OTOF: variants seen among roughly 807,000 people sequenced by gnomAD.
OTOF encodes the protein otoferlin.
Under a neutral mutation model 236.8 loss-of-function variants are expected in OTOF, and 218 were observed. The ratio of observed to expected loss-of-function variants is 0.92; its 90% CI spans 0.82 to 1.03. OTOF has a LOEUF of 1.03. OTOF is among the 50% of genes least tolerant of loss of function. The pLI is 0.00. For synonymous variants in OTOF, 1,041 were observed against 1,072.5 expected (o/e 0.97, Z 0.57); for missense variants, 2,590 against 2,694.4 (o/e 0.96, Z 0.86).
At chr2:26,469,326 C>T (rs1163665925) in intron 32 of OTOF, among the ~76,000 whole-genome samples, 2 of 152,228 alleles carry the variant, frequency 1.3e-5, no homozygotes, top group African/African-American at 4.8e-5. Context: ...GTAGAGACGA[C>T]AACAGGCAGC....
chr2:26,532,440 G>A (rs1230052541), intron 2 of OTOF, among the ~76,000 whole-genome samples: 4 of 152,172 alleles, frequency 2.6e-5, no homozygotes, highest in African/African-American at 7.2e-5. Flanking sequence ...AAGATGTCAC[G>A]AGCCAGCAAG....
At position 26,519,225 on chromosome 2, in the gene OTOF, T is replaced by A. The variant is rs144477593; in HGVS notation, c.228-116A>T. The A allele has an allele frequency of 8.3e-4, 616 of 739,624 alleles. 3 individuals are homozygous for A. The African/African-American group carries it at 9.1e-3, about 11-fold the overall frequency. The allele number at this position is 739,624 out of a possible 1,614,324, so 45.8% of individuals were successfully genotyped here. On this transcript the variant is annotated intron_variant, in intron 3 of 46. Transcript: ENST00000272371. ...AGGACTCAGGTGGGCTTGCTCCAGC[T>A]CTGGGCTGGGCTGGAGAAGGTGGCC...
chr2:26,463,348 G>A, intron 41 of OTOF, 135 bp downstream of exon 41: 1 of 758,270 alleles, frequency 1.3e-6, no homozygotes, highest in East Asian at 2.7e-5. Context: ...AGGCCCAGTG[G>A]CCACACCCAG....
chr2:26,461,766 C>G lies in OTOF; in HGVS notation c.5463G>C (p.Glu1821Asp). ...KESMFSWDET[E>D]YKIPARLTLQ... Reference sequence around the variant, plus strand: ...GGGTGAGCCGCGCGGGGATCTTGTACTCGGTCTCGTCCCAGGAGAACATGG... The same window carrying G: ...GGGTGAGCCGCGCGGGGATCTTGTAGTCGGTCTCGTCCCAGGAGAACATGG... Residue 1821 changes from glutamate to aspartate, a missense_variant, in exon 43 of 47, where the codon GAG (glutamate) becomes GAC (aspartate). Glu to Asp is a conservative substitution (Grantham distance 45). Around this residue, in one of 2 missense-constraint regions of OTOF, gnomAD observed 1,211 missense variants for 1,352.8 expected, o/e 0.90. Transcript: ENST00000272371. The surrounding 1 kb of genome is among the most constrained non-coding windows in gnomAD (Gnocchi z 6.2). 6.2e-7 allele frequency: 1 copy of G among 1,614,184 alleles called. No homozygotes were observed. The highest frequency in any genetic ancestry group is 8.5e-7 in the Non-Finnish European group (1 of 1,180,038).
intron 3 of OTOF, among the ~76,000 whole-genome samples, chr2:26,521,208 TCTA>T (rs1666668300): frequency 6.6e-6 from 1 of 152,218 alleles, no homozygotes; most frequent in African/African-American, 2.4e-5. Flanking sequence ...GAATCCCTGC[TCTA>T]CTATTACCCT....
At chr2:26,494,197 C>T (rs1377337527) in intron 9 of OTOF, among the ~76,000 whole-genome samples, 2 of 152,226 alleles carry the variant, frequency 1.3e-5, no homozygotes, top group Non-Finnish European at 2.9e-5. Flanking sequence ...GCCTCAGTAT[C>T]CTCCTCTGTA....
At chr2:26,508,608 T>C (rs1227481550) in intron 5 of OTOF, among the ~76,000 whole-genome samples, 1 of 152,240 alleles carries the variant, frequency 6.6e-6, no homozygotes, top group Non-Finnish European at 1.5e-5. Context: ...GCAAGCAGCA[T>C]CATGGAAGAT....
intron 11 of OTOF, among the ~76,000 whole-genome samples, chr2:26,488,005 G>A (rs1160071245): frequency 6.6e-6 from 1 of 152,200 alleles, no homozygotes; most frequent in Non-Finnish European, 1.5e-5. Flanking sequence ...TCTTCACAGA[G>A]GCTGGACTAG....
intron 40 of OTOF, 56 bp downstream of exon 40, chr2:26,463,908 G>T: frequency 6.2e-7 from 1 of 1,608,538 alleles, no homozygotes; most frequent in Non-Finnish European, 8.5e-7. Context: ...GACTCAGGTT[G>T]GGGATCCCTG....
At position 26,458,202 on chromosome 2, in the gene OTOF, G is replaced by A. The variant is rs548065731; in HGVS notation, c.*36C>T. ...ACTTGAGAGGGTTGAGGAACCAGAC[G>A]AAGGCCGTGTCGGGCCGGCTGGGAA... On this transcript the variant is annotated 3_prime_UTR_variant, in exon 47 of 47. Coordinates refer to ENST00000272371, the MANE Select transcript of OTOF (RefSeq NM_194248.3). 8.7e-6 allele frequency: 14 copies of A among 1,602,370 alleles called. No individual in the cohort carries two copies. Among genetic ancestry groups the A allele is most frequent in the Middle Eastern group, 1.7e-4 (1 of 6,054 alleles).
At position 26,477,380 on chromosome 2, in the gene OTOF, C is replaced by G; in HGVS notation, c.2406+36G>C. On this transcript the variant is annotated intron_variant, in intron 20 of 46. Coordinates refer to ENST00000272371, the MANE Select transcript of OTOF (RefSeq NM_194248.3). This position sits in a 1 kb window ranked among gnomAD's most constrained non-coding sequence, Gnocchi z 4.7. ...TGTGACACCTTCTCACAACCAGGCC[C>G]TCCCTCCAGCCCCCGCCGTCCAGTT... The G allele has an allele frequency of 6.4e-7, 1 of 1,567,812 alleles. No homozygotes were observed. The highest frequency in any genetic ancestry group is 8.7e-7 in the Non-Finnish European group (1 of 1,154,866).
intron 11 of OTOF, among the ~76,000 whole-genome samples, chr2:26,486,032 A>G (rs926703122): frequency 6.6e-6 from 1 of 152,192 alleles, no homozygotes; most frequent in African/African-American, 2.4e-5. Context: ...GGGTGCATAA[A>G]TGGGCAGAGG....
At chr2:26,544,505 T>C (rs568934210) in intron 1 of OTOF, among the ~76,000 whole-genome samples, 3 of 152,356 alleles carry the variant, frequency 2.0e-5, no homozygotes, top group South Asian at 4.1e-4. Context: ...TTGTTGCATA[T>C]ATAAGTAATG....
chr2:26,466,628 C>T lies in OTOF; in HGVS notation c.4500+86G>A. ...CTGGGATTACAGGCGTAAACCATTGCACCTGGCCAGTATGCAGCTTCTTTG... is the reference window on the plus strand; with the variant it reads ...CTGGGATTACAGGCGTAAACCATTGTACCTGGCCAGTATGCAGCTTCTTTG... On this transcript the variant is annotated intron_variant, in intron 36 of 46. Coordinates refer to ENST00000272371, the MANE Select transcript of OTOF (RefSeq NM_194248.3). 2.0e-6 allele frequency: 3 copies of T among 1,515,066 alleles called. No individual in the cohort carries two copies. The South Asian group carries it at 3.4e-5, about 17-fold the overall frequency. 93.9% of individuals were successfully genotyped at this position (1,515,066 alleles called of 1,614,324 possible).
rs1333324102 is a variant in OTOF at position 26,457,693 on chromosome 2, T to G, written c.*545A>C. 6 of 298,928 alleles carry G rather than the reference T, an allele frequency of 2.0e-5. No homozygotes were observed. Among genetic ancestry groups the G allele is most frequent in the African/African-American group, 6.4e-5 (3 of 46,636 alleles). The allele number at this position is 298,928 out of a possible 1,614,324, so 18.5% of individuals were successfully genotyped here. On this transcript the variant is annotated 3_prime_UTR_variant, in exon 47 of 47. Coordinates refer to ENST00000272371, the MANE Select transcript of OTOF (RefSeq NM_194248.3). This position sits in a 1 kb window ranked among gnomAD's most constrained non-coding sequence, Gnocchi z 4.4. ...TTGGTTAATTTCACTAAAGCTTCAA[T>G]CCTGTACTTGGAAGACCTGGGGAGG...
chr2:26,483,842 G>A (rs1207727072), intron 12 of OTOF, among the ~76,000 whole-genome samples, 194 bp from the exon 13 acceptor site: 1 of 152,234 alleles, frequency 6.6e-6, no homozygotes, highest in African/African-American at 2.4e-5. Flanking sequence ...TCACTGAGCT[G>A]CCGTTTCCTC....
chr2:26,496,452 C>G (rs1163027717), intron 8 of OTOF, among the ~76,000 whole-genome samples: 2 of 151,950 alleles, frequency 1.3e-5, no homozygotes, highest in Non-Finnish European at 2.9e-5. Context: ...GTTGGCCAGG[C>G]TGGTCTTGAA....
chr2:26,503,763 C>T lies in OTOF; in HGVS notation c.583+9G>A. 6.2e-7 allele frequency: 1 copy of T among 1,612,602 alleles called. No homozygotes were observed. Among genetic ancestry groups the T allele is most frequent in the Non-Finnish European group, 8.5e-7 (1 of 1,178,642 alleles). On this transcript the variant is annotated intron_variant, in intron 6 of 46. Coordinates refer to ENST00000272371, the MANE Select transcript of OTOF (RefSeq NM_194248.3). ...CGGGGCTGCGGGGCTCACGCGGCAC[C>T]TGTCCTACCTGGTCTTTGGGGCTCC...
In OTOF at chr2:26,482,379, C is replaced by G. The variant is rs780714174; in HGVS notation, c.1579+27G>C. 40 of 1,609,774 alleles carry G rather than the reference C, an allele frequency of 2.5e-5. 1 individual carries two copies. In the South Asian group the frequency reaches 3.8e-4, roughly 15 times the overall value. On this transcript the variant is annotated intron_variant, in intron 14 of 46. Transcript: ENST00000272371. ...CCTTCAGGCCACTCCCTCTGCCCCC[C>G]AGCACACCGGGTCTCCCGCTGCTGA... is the stretch of plus-strand genomic sequence containing the variant.
Sources: gnomAD v4.1 joint callset for allele counts (sites outside exome capture counted in the v4.1 genomes callset) on GRCh38, gnomAD v4.1.1 for gene constraint, gnomAD v4.1.1 regional missense constraint, Gnocchi (gnomAD v3.1) non-coding constraint, MANE v1.5 for transcripts, NCBI Gene and HGNC (gene_info 2026-07-23, HGNC 2026-07-21) for gene names.